Variants in WHRN observed in about 807,000 individuals in gnomAD.
The protein encoded by WHRN is CASK-interacting protein CIP98.
Under a neutral mutation model 68.3 loss-of-function variants are expected in WHRN, and 41 were observed. That is an observed-to-expected ratio of 0.60 (90% CI 0.47 to 0.78). The LOEUF (loss-of-function observed/expected upper bound fraction) is 0.78. Among genes scored for constraint, WHRN ranks in the 30% least tolerant of loss-of-function variants. The pLI is 0.00. For missense variants in WHRN, 1,243 were observed against 1,244.7 expected, an observed-to-expected ratio of 1.00 and a Z score of 0.02; for synonymous variants, 560 against 561.3, an observed-to-expected ratio of 1.00 and a Z score of 0.03.
At chr9:114,459,950 A>G (rs4978590) in intron 3 of WHRN, among the ~76,000 whole-genome samples, 42,205 of 152,134 alleles carry the variant, frequency 0.28, 6,099 homozygotes, top group Admixed American at 0.36. Context: ...CATAGCCACA[A>G]GCATAGTAGT....
intron 8 of WHRN, among the ~76,000 whole-genome samples, chr9:114,407,446 G>A (rs567429482): frequency 3.1e-4 from 47 of 152,286 alleles, no homozygotes; most frequent in African/African-American, 1.0e-3. Context: ...CGTGAATACT[G>A]TTAGCACAGT....
At chr9:114,418,529 C>T (rs925897549) in intron 7 of WHRN, among the ~76,000 whole-genome samples, 17 of 152,236 alleles carry the variant, frequency 1.1e-4, no homozygotes, top group African/African-American at 3.9e-4. Flanking sequence ...CCTGTTAAAT[C>T]GAAGTCAGAC....
chr9:114,407,961 G>C lies in WHRN; in HGVS notation c.1684C>G (p.Pro562Ala), dbSNP rs12339210. 0.11 allele frequency: 177,022 copies of C among 1,601,290 alleles called. 10,914 individuals are homozygous for C. Among genetic ancestry groups the C allele is most frequent in the Non-Finnish European group, 0.12 (145,628 of 1,172,982 alleles). ...EAVQGNINALPDVSVDDVRST... is the reference protein window; with the variant it reads ...EAVQGNINALADVSVDDVRST... ...CAGGGCCTTACCACGGACACATCTG[G>C]GAGGGCGTTGATATTGCCCTGGACA... Residue 562 changes from proline to alanine, a missense_variant, in exon 8 of 12, where the codon CCA becomes GCA. By Grantham distance (27) the Pro-to-Ala change is conservative (BLOSUM62 -1). Transcript: ENST00000362057.
At chr9:114,478,254 T>A in intron 2 of WHRN, 1 of 651,964 alleles carries the variant, frequency 1.5e-6, no homozygotes, top group Non-Finnish European at 2.8e-6. Flanking sequence ...CGTGACCGCA[T>A]TCCAGCCTGG....
In WHRN at chr9:114,467,904, C is replaced by T. The variant is rs571781508; in HGVS notation, c.838-1512G>A. On this transcript the variant is annotated intron_variant, in intron 2 of 11. Transcript: ENST00000362057. ...GGACAGGGAGCGGTGGGAGAACCTTCAGGCACCAGGAAAGACACATTTCAT... is the reference window on the plus strand; with the variant it reads ...GGACAGGGAGCGGTGGGAGAACCTTTAGGCACCAGGAAAGACACATTTCAT... Among the ~76,000 whole-genome samples, 6 of 152,340 alleles carry T rather than the reference C, an allele frequency of 3.9e-5. No individual in the cohort carries two copies. The South Asian group carries it at 1.0e-3, about 26-fold the overall frequency.
At chr9:114,407,894 A>G in intron 8 of WHRN, 53 bp downstream of exon 8, 1 of 1,481,698 alleles carries the variant, frequency 6.7e-7, no homozygotes, top group Non-Finnish European at 9.3e-7. Context: ...GAGAGCCACC[A>G]GGACCTGAGC....
intron 6 of WHRN, 135 bp downstream of exon 6, chr9:114,424,199 C>A: frequency 9.7e-7 from 1 of 1,035,146 alleles, no homozygotes; most frequent in Middle Eastern, 3.1e-4. Flanking sequence ...CAGGAGGCTG[C>A]CTCAGTCCCA....
intron 9 of WHRN, 131 bp from the exon 10 acceptor site, chr9:114,404,208 A>G: frequency 9.7e-7 from 1 of 1,028,960 alleles, no homozygotes; most frequent in South Asian, 1.4e-5. Context: ...GGAAGGAATG[A>G]AGAGATCGTG....
chr9:114,405,538 C>G (rs1834965321), intron 9 of WHRN, among the ~76,000 whole-genome samples: 1 of 152,186 alleles, frequency 6.6e-6, no homozygotes. Context: ...GCTGTTAGCT[C>G]TTATTATCCC....
chr9:114,467,121 G>A (rs1840777713), intron 2 of WHRN, among the ~76,000 whole-genome samples: 1 of 147,764 alleles, frequency 6.8e-6, no homozygotes, highest in African/African-American at 2.5e-5. Flanking sequence ...TATTTCTCCT[G>A]GGGTCTCCTG....
At chr9:114,455,819 G>A (rs534159365) in intron 3 of WHRN, among the ~76,000 whole-genome samples, 2 of 151,976 alleles carry the variant, frequency 1.3e-5, no homozygotes, top group South Asian at 2.1e-4. Context: ...TAAACCTATA[G>A]TAAGTTGAAA....
rs567139961 is a variant in WHRN, at chr9:114,453,149, G to C, written c.963+13118C>G. ...TCCTGCAGGCTGTACAAACAGCGTG[G>C]TGCTGGCATCTGCTTCTGGTGAGGC... On this transcript the variant is annotated intron_variant, in intron 3 of 11. Coordinates refer to ENST00000362057, the MANE Select transcript of WHRN (RefSeq NM_015404.4). Among the ~76,000 whole-genome samples the C allele has an allele frequency of 5.9e-5, 9 of 152,378 alleles. No homozygotes were observed. The East Asian group carries it at 1.5e-3, about 26-fold the overall frequency.
intron 4 of WHRN, chr9:114,425,618 CACACACACACACAG>C (rs1359213720): frequency 6.8e-5 from 17 of 250,236 alleles, no homozygotes; most frequent in African/African-American, 3.2e-4. Context: ...CACACACACA[CACACACACACACAG>C]AGAGACACAG....
chr9:114,466,202 C>A (rs1199540436), intron 3 of WHRN, 65 bp downstream of exon 3: 2 of 1,608,892 alleles, frequency 1.2e-6, no homozygotes, highest in Non-Finnish European at 1.7e-6. Flanking sequence ...TGCTGGAGGT[C>A]TATTTAAAAT....
chr9:114,474,834 G>A (rs375604937), intron 2 of WHRN, among the ~76,000 whole-genome samples: 9 of 152,264 alleles, frequency 5.9e-5, no homozygotes, highest in East Asian at 1.9e-4. Context: ...TTAATAAGAC[G>A]CAGAATTGAC....
chr9:114,446,838 C>T lies in WHRN; in HGVS notation c.963+19429G>A, dbSNP rs965613785. On this transcript the variant is annotated intron_variant, in intron 3 of 11. Coordinates refer to ENST00000362057, the MANE Select transcript of WHRN (RefSeq NM_015404.4). Reference sequence around the variant, plus strand: ...CTAGTGCCACGTGCATCCCTAGGTGCGTCTAGCCAGCCAGGAGCTCTTGGA... The same window carrying T: ...CTAGTGCCACGTGCATCCCTAGGTGTGTCTAGCCAGCCAGGAGCTCTTGGA... Among the ~76,000 whole-genome samples, 34 of 152,078 alleles carry T rather than the reference C, an allele frequency of 2.2e-4. 1 individual carries two copies. The highest frequency in any genetic ancestry group is 3.3e-4 in the Admixed American group (5 of 15,282).
In WHRN at chr9:114,402,892, G is replaced by A. The variant is rs117592152; in HGVS notation, c.2586C>T (p.His862=). 22 of 1,613,660 alleles carry A rather than the reference G, an allele frequency of 1.4e-5. No individual in the cohort carries two copies. The highest frequency in any genetic ancestry group is 3.3e-5 in the Admixed American group (2 of 59,966). ...AHNCGQLKVG[H]VILEVNGLTL... is the part of the protein sequence containing the mutation. ...TCAGCCCATTCACTTCCAGAATCAC[G>A]TGGCCCACCTTGAGCTGCCCACAGT... is the stretch of plus-strand genomic sequence containing the variant. Residue 862 remains histidine (H), a synonymous_variant, in exon 12 of 12, where the codon CAC becomes CAT. Transcript: ENST00000362057.
At chr9:114,448,038 C>T (rs1408527) in intron 3 of WHRN, among the ~76,000 whole-genome samples, 112,511 of 152,044 alleles carry the variant, frequency 0.74, 41,825 homozygotes, top group East Asian at 0.96. Context: ...CATGCCATCA[C>T]AGAGTAGGTC....
intron 3 of WHRN, among the ~76,000 whole-genome samples, chr9:114,454,192 T>C (rs1228753251): frequency 6.6e-6 from 1 of 152,200 alleles, no homozygotes; most frequent in African/African-American, 2.4e-5. Flanking sequence ...TGCTTTCCTT[T>C]AAGATAGAAA....
Sources: gnomAD v4.1 joint callset for allele counts (sites outside exome capture counted in the v4.1 genomes callset) on GRCh38, gnomAD v4.1.1 for gene constraint, MANE v1.5 for transcripts, NCBI Gene and HGNC (gene_info 2026-07-23, HGNC 2026-07-21) for gene names.